SHC2: variants seen among roughly 807,000 people sequenced by gnomAD.
SHC2 encodes SHC adaptor protein 2, also known as SHC-transforming protein 2.
Under a neutral mutation model 60.6 loss-of-function variants are expected in SHC2, and 62 were observed. That is an observed-to-expected ratio of 1.02 (90% confidence interval 0.83 to 1.26). The LOEUF is 1.26. Ranked by LOEUF, SHC2 falls within the 50% of genes most tolerant of loss-of-function variation. The pLI is 0.00. For synonymous variants in SHC2, 375 were observed against 372.4 expected, an observed-to-expected ratio of 1.01 and a Z score of -0.08; for missense variants, 873 against 822.2, an observed-to-expected ratio of 1.06 and a Z score of -0.76.
At chr19:423,915 C>T (rs1223383838) in intron 10 of SHC2, among the ~76,000 whole-genome samples, 2 of 152,212 alleles carry the variant, frequency 1.3e-5, no homozygotes, top group Non-Finnish European at 2.9e-5. Flanking sequence ...GCCCCAAGCC[C>T]CTCCTTTCCC....
At position 440,025 on chromosome 19, in the gene SHC2, CA is replaced by C. The variant is rs60912837; in HGVS notation, c.539+836del. Among the ~76,000 whole-genome samples, 779 of 66,392 alleles carry C rather than the reference CA, an allele frequency of 0.012. 6 individuals carry two copies. The highest frequency in any genetic ancestry group is 0.024 in the African/African-American group (464 of 19,414). The allele number at this position is 66,392 out of a possible 152,430, so 43.6% of individuals were successfully genotyped here. A position where few individuals can be genotyped will look rare whatever the true frequency, so the allele number is the denominator to read the frequency against. ...TGGGCAACAGAGTGAGACTCCATCT[CA>C]AAAAAAAAAAAAAAAAAGGAGCAAG... On this transcript the variant is annotated intron_variant, in intron 2 of 12. Coordinates refer to ENST00000264554, the MANE Select transcript of SHC2 (RefSeq NM_012435.3). The surrounding 1 kb of genome is among the most constrained non-coding windows in gnomAD (Gnocchi z 7.0).
At position 440,354 on chromosome 19, in the gene SHC2, G is replaced by A. The variant is rs566250741; in HGVS notation, c.539+508C>T. Among the ~76,000 whole-genome samples the A allele has an allele frequency of 7.0e-4, 106 of 152,292 alleles. 1 individual carries two copies. The highest frequency in any genetic ancestry group is 3.4e-3 in the Middle Eastern group (1 of 294). ...TGTACATTATATCTCACATACGCAC[G>A]TGTAAACTGTCTCACATGGTTTTTT... On this transcript the variant is annotated intron_variant, in intron 2 of 12. Coordinates refer to ENST00000264554, the MANE Select transcript of SHC2 (RefSeq NM_012435.3). The surrounding 1 kb of genome is among the most constrained non-coding windows in gnomAD (Gnocchi z 7.0).
intron 11 of SHC2, among the ~76,000 whole-genome samples, chr19:420,711 A>G (rs549340176): frequency 4.2e-4 from 64 of 152,282 alleles, no homozygotes; most frequent in Admixed American, 3.6e-3. Flanking sequence ...CAAAATCCAG[A>G]CTCTAGAGAT....
At chr19:428,404 G>A (rs1243024307) in intron 9 of SHC2, among the ~76,000 whole-genome samples, 5 of 152,188 alleles carry the variant, frequency 3.3e-5, no homozygotes, top group Admixed American at 6.5e-5. Context: ...TGCAATCAAC[G>A]CAGATGTCCA....
chr19:450,919 C>T (rs1402340053), intron 1 of SHC2, among the ~76,000 whole-genome samples: 1 of 148,556 alleles, frequency 6.7e-6, no homozygotes, highest in Non-Finnish European at 1.5e-5. Flanking sequence ...ATGGCCATGC[C>T]GTGGCCATGT....
At chr19:437,886 C>G (rs1005301542) in intron 4 of SHC2, among the ~76,000 whole-genome samples, 2 of 152,234 alleles carry the variant, frequency 1.3e-5, no homozygotes, top group East Asian at 1.9e-4. Context: ...GAAGTCTCTT[C>G]TAGCACCCAG....
chr19:429,976 G>A (rs550141825), intron 9 of SHC2, among the ~76,000 whole-genome samples: 83 of 147,314 alleles, frequency 5.6e-4, no homozygotes, highest in African/African-American at 2.1e-3. Context: ...GGATGACGCA[G>A]TACCTATACC....
chr19:426,392 C>A (rs1375363724), intron 9 of SHC2, among the ~76,000 whole-genome samples: 4 of 135,352 alleles, frequency 3.0e-5, no homozygotes, highest in Admixed American at 7.3e-5. Flanking sequence ...AGGACGACAC[C>A]GAGAGGGGCA....
rs1273720509 is a variant in SHC2, at chr19:458,545, CGGGGAGGTGGAAGCGGGTCCT to C, written c.468+1963_468+1983del. ...GTCCTGGGGAGGCGGATTCGGGTTC[CGGGGAGGTGGAAGCGGGTCCT>C]GGGGAGGCGGAAGCGGGTTCCGGGG... On this transcript the variant is annotated intron_variant, in intron 1 of 12. Transcript: ENST00000264554. 2.5e-3 allele frequency among the ~76,000 whole-genome samples: 255 copies of C among 103,860 alleles called. 5 individuals are homozygous for C. Among genetic ancestry groups the C allele is most frequent in the African/African-American group, 8.3e-3 (232 of 28,014 alleles). The allele number at this position is 103,860 out of a possible 152,430, so 68.1% of individuals were successfully genotyped here. A position where few individuals can be genotyped will look rare whatever the true frequency, so the allele number is the denominator to read the frequency against.
At chr19:421,663 T>C (rs547831209) in intron 11 of SHC2, among the ~76,000 whole-genome samples, 1 of 152,138 alleles carries the variant, frequency 6.6e-6, no homozygotes, top group Admixed American at 6.5e-5. Context: ...AATCATAAGA[T>C]TGAGATTACA....
At chr19:427,663 G>C (rs1974455071) in intron 9 of SHC2, among the ~76,000 whole-genome samples, 1 of 86,668 alleles carries the variant, frequency 1.2e-5, no homozygotes, top group Middle Eastern at 5.3e-3. Flanking sequence ...GCACACGGAA[G>C]GGGGCGGCAC....
At chr19:428,590 C>A (rs192993592) in intron 9 of SHC2, among the ~76,000 whole-genome samples, 2 of 152,170 alleles carry the variant, frequency 1.3e-5, no homozygotes, top group Non-Finnish European at 2.9e-5. Context: ...CTTGAATATC[C>A]GTTGAAAAGC....
intron 9 of SHC2, 54 bp downstream of exon 9, chr19:430,630 C>A: frequency 6.7e-7 from 1 of 1,481,748 alleles, no homozygotes; most frequent in Non-Finnish European, 9.4e-7. Context: ...CAGGACAGGG[C>A]TGAGGAGCCC....
intron 1 of SHC2, among the ~76,000 whole-genome samples, chr19:457,801 C>A (rs115614067): frequency 0.044 from 6,743 of 152,328 alleles, 366 homozygotes; most frequent in African/African-American, 0.13. Flanking sequence ...GTGAAGGAAG[C>A]GCACGCGTCC....
chr19:435,836 G>C (rs1390057695), intron 7 of SHC2: 1 of 311,232 alleles, frequency 3.2e-6, no homozygotes, highest in East Asian at 5.9e-5. Context: ...TCTGCGGTGA[G>C]ACGGAGGCCG....
intron 1 of SHC2, among the ~76,000 whole-genome samples, chr19:444,085 A>AT (rs1974993980): frequency 8.4e-6 from 1 of 118,390 alleles, no homozygotes; most frequent in Non-Finnish European, 1.8e-5. Context: ...GGATGGATGG[A>AT]GGGTGGATGG....
intron 1 of SHC2, among the ~76,000 whole-genome samples, chr19:449,971 T>C (rs576115102): frequency 3.3e-5 from 5 of 152,290 alleles, no homozygotes; most frequent in African/African-American, 9.6e-5. Context: ...TAAAGGCAAA[T>C]TTCTTTGACA....
chr19:434,268 ATGAGTGAGATCATGAG>A (rs1034939942), intron 8 of SHC2, among the ~76,000 whole-genome samples: 43 of 2,892 alleles, frequency 0.015, no homozygotes, highest in African/African-American at 0.033. Flanking sequence ...GAGTGAGATC[ATGAGTGAGATCATGAG>A]TGAGTGAGAT....
At chr19:442,910 G>C (rs1374683966) in intron 1 of SHC2, among the ~76,000 whole-genome samples, 6 of 143,452 alleles carry the variant, frequency 4.2e-5, no homozygotes, top group African/African-American at 1.6e-4. Context: ...TGGATGGATG[G>C]ACGGGTGGGT....
Sources: gnomAD v4.1 joint callset for allele counts (sites outside exome capture counted in the v4.1 genomes callset) on GRCh38, gnomAD v4.1.1 for gene constraint, Gnocchi (gnomAD v3.1) non-coding constraint, MANE v1.5 for transcripts, NCBI Gene and HGNC (gene_info 2026-07-23, HGNC 2026-07-21) for gene names.